Variants in PRR16 observed in about 807,000 individuals in gnomAD.
The protein encoded by PRR16 is proline rich 16.
A neutral mutation model predicts 18.2 loss-of-function variants in PRR16; 6 were observed. The ratio of observed to expected loss-of-function variants is 0.33; its 90% CI spans 0.18 to 0.65. The LOEUF is 0.65. Among genes scored for constraint, PRR16 ranks in the 30% least tolerant of loss-of-function variants. The pLI is 0.74. For missense variants in PRR16, 412 were observed against 376.6 expected (o/e 1.09, Z -0.78); for synonymous variants, 151 against 147.8 (o/e 1.02, Z -0.16).
intron 1 of PRR16, among the ~76,000 whole-genome samples, chr5:120,482,226 C>G (rs1749642459): frequency 6.6e-6 from 1 of 151,982 alleles, no homozygotes; most frequent in Non-Finnish European, 1.5e-5. Flanking sequence ...ACAGTTGATC[C>G]CTTCACTTAG....
rs1184092690 is a variant in PRR16, at chr5:120,686,378, G to T, written c.584G>T (p.Arg195Ile). ...CTGATGCATAGACCTGAAAAAGACA[G>T]ATGTCCCCAGGCAGGGCCTCGAGAA... The part of the protein sequence containing the change: ...QLLMHRPEKD[R>I]CPQAGPRERV... Residue 195 changes from arginine (R) to isoleucine (I), a missense_variant, in exon 2 of 2, where the codon AGA (arginine) becomes ATA (isoleucine). Coordinates refer to ENST00000407149, the MANE Select transcript of PRR16 (RefSeq NM_001300783.2). 1.2e-6 allele frequency: 2 copies of T among 1,614,148 alleles called. No individual in the cohort carries two copies. Among genetic ancestry groups the T allele is most frequent in the Non-Finnish European group, 1.7e-6 (2 of 1,180,026 alleles).
intron 1 of PRR16, among the ~76,000 whole-genome samples, chr5:120,628,630 A>G (rs931175599): frequency 6.6e-6 from 1 of 150,736 alleles, no homozygotes; most frequent in African/African-American, 2.4e-5. Context: ...TTTTCTACTC[A>G]TCTCTCTATC....
intron 1 of PRR16, among the ~76,000 whole-genome samples, chr5:120,583,508 T>C (rs1753342709): frequency 6.6e-6 from 1 of 152,166 alleles, no homozygotes; most frequent in African/African-American, 2.4e-5. Context: ...AGACTTTATT[T>C]TGTGTCTTTT....
At chr5:120,498,093 G>A (rs1750320376) in intron 1 of PRR16, among the ~76,000 whole-genome samples, 1 of 150,576 alleles carries the variant, frequency 6.6e-6, no homozygotes, top group Non-Finnish European at 1.5e-5. Context: ...TTTGTTTTTG[G>A]CATTCCTTCT....
chr5:120,470,933 A>G (rs1749249010), intron 1 of PRR16, among the ~76,000 whole-genome samples: 1 of 152,140 alleles, frequency 6.6e-6, no homozygotes, highest in Non-Finnish European at 1.5e-5. Flanking sequence ...TTTTCTTAGA[A>G]GTCAAGGATC....
At chr5:120,734,959 C>T in the PRR16 span, among the ~76,000 whole-genome samples, 1 of 152,144 alleles carries the variant, frequency 6.6e-6, no homozygotes, top group African/African-American at 2.4e-5. Context: ...CACAACAGAT[C>T]TCCAGAATCT....
intron 1 of PRR16, among the ~76,000 whole-genome samples, chr5:120,509,460 T>C (rs1442906547): frequency 2.0e-5 from 3 of 152,108 alleles, no homozygotes; most frequent in Admixed American, 6.6e-5. Flanking sequence ...GCTTGGTTGC[T>C]GAGGTTCTGT....
intron 1 of PRR16, among the ~76,000 whole-genome samples, chr5:120,632,004 T>C (rs1755074146): frequency 6.6e-6 from 1 of 152,118 alleles, no homozygotes; most frequent in South Asian, 2.1e-4. Flanking sequence ...CTACCTCCAC[T>C]GGAGCAGGTG....
At chr5:120,672,636 G>C (rs1443970537) in intron 1 of PRR16, among the ~76,000 whole-genome samples, 1 of 152,004 alleles carries the variant, frequency 6.6e-6, no homozygotes, top group Admixed American at 6.6e-5. Context: ...GGAAGAAAGA[G>C]TGGATTGGAT....
At chr5:120,635,090 C>T (rs146597677) in intron 1 of PRR16, among the ~76,000 whole-genome samples, 3 of 151,994 alleles carry the variant, frequency 2.0e-5, no homozygotes, top group Non-Finnish European at 2.9e-5. Flanking sequence ...TCAGAACAGA[C>T]CAATAACAAG....
chr5:120,639,828 A>G (rs1214070907), intron 1 of PRR16, among the ~76,000 whole-genome samples: 1 of 151,870 alleles, frequency 6.6e-6, no homozygotes, highest in Non-Finnish European at 1.5e-5. Flanking sequence ...TACCAAAAAG[A>G]CACACACACT....
intron 1 of PRR16, among the ~76,000 whole-genome samples, chr5:120,546,971 G>T (rs551778666): frequency 6.6e-6 from 1 of 152,206 alleles, no homozygotes; most frequent in South Asian, 2.1e-4. Context: ...CCAATTAAGA[G>T]AAGGTCATTT....
At chr5:120,668,354 A>C (rs1004751032) in intron 1 of PRR16, among the ~76,000 whole-genome samples, 2 of 150,092 alleles carry the variant, frequency 1.3e-5, no homozygotes, top group Admixed American at 6.7e-5. Context: ...GTGTCTCTGC[A>C]TGTGAGATGG....
At chr5:120,677,905 C>T (rs372072113) in intron 1 of PRR16, among the ~76,000 whole-genome samples, 22 of 93,198 alleles carry the variant, frequency 2.4e-4, no homozygotes, top group East Asian at 6.9e-4. Context: ...CTTTTTCTTT[C>T]TTTTTTTTTT....
At chr5:120,548,391 A>G (rs1359805461) in intron 1 of PRR16, among the ~76,000 whole-genome samples, 1 of 152,124 alleles carries the variant, frequency 6.6e-6, no homozygotes, top group Non-Finnish European at 1.5e-5. Context: ...GCCTTTAGTT[A>G]CAGTTCTTTG....
chr5:120,465,134 G>A (rs1392888265), intron 1 of PRR16, among the ~76,000 whole-genome samples: 1 of 152,174 alleles, frequency 6.6e-6, no homozygotes, highest in African/African-American at 2.4e-5. Context: ...GCAGCCTGGA[G>A]GAAGCTTGGC....
the PRR16 span, among the ~76,000 whole-genome samples, chr5:120,722,379 A>T: frequency 6.6e-6 from 1 of 152,000 alleles, no homozygotes; most frequent in Non-Finnish European, 1.5e-5. Flanking sequence ...TCCTGGCAAG[A>T]TATATTATGT....
chr5:120,726,382 A>G, the PRR16 span, among the ~76,000 whole-genome samples: 1 of 151,962 alleles, frequency 6.6e-6, no homozygotes. Context: ...TCATCCAGGG[A>G]GGGAATATGG....
chr5:120,603,293 G>T (rs1235431840), intron 1 of PRR16, among the ~76,000 whole-genome samples: 1 of 152,020 alleles, frequency 6.6e-6, no homozygotes, highest in Non-Finnish European at 1.5e-5. Context: ...ATCTTGGAAG[G>T]TTGTATGTTT....
Sources: allele counts gnomAD v4.1 joint callset (sites outside exome capture counted in the v4.1 genomes callset), GRCh38; gene constraint gnomAD v4.1.1; transcripts MANE v1.5; gene names NCBI Gene and HGNC (gene_info 2026-07-23, HGNC 2026-07-21).